Variants in ME1 observed in about 807,000 individuals in gnomAD.
ME1 encodes the protein malic enzyme 1.
Under a neutral mutation model 66.4 loss-of-function variants are expected in ME1, and 74 were observed. The observed-to-expected ratio is 1.11, with a 90% CI of 0.92 to 1.35. The LOEUF is 1.35. ME1 is among the 40% of genes most tolerant of loss of function. The probability of loss-of-function intolerance (pLI) is 0.00; values close to 1 mark genes in which losing one functional copy is unlikely to be tolerated. For missense variants in ME1, 750 were observed against 694.1 expected, an observed-to-expected ratio of 1.08 and a Z score of -0.90; for synonymous variants, 251 against 235.6, an observed-to-expected ratio of 1.07 and a Z score of -0.60.
intron 6 of ME1, among the ~76,000 whole-genome samples, chr6:83,293,289 CATA>C (rs767974182): frequency 1.6e-4 from 25 of 152,134 alleles, no homozygotes; most frequent in Non-Finnish European, 3.1e-4. Flanking sequence ...TGACCTCCAT[CATA>C]ATCATTTTTA....
At chr6:83,271,843 C>T (rs953499964) in intron 6 of ME1, among the ~76,000 whole-genome samples, 2 of 151,776 alleles carry the variant, frequency 1.3e-5, no homozygotes, top group African/African-American at 4.8e-5. Flanking sequence ...CTAAGGGCAA[C>T]ATATTATTTT....
At chr6:83,400,694 T>C (rs1201004173) in intron 2 of ME1, among the ~76,000 whole-genome samples, 4 of 152,172 alleles carry the variant, frequency 2.6e-5, no homozygotes, top group Non-Finnish European at 5.9e-5. Flanking sequence ...TTGCAGCCAG[T>C]CTTTCTGAAA....
At chr6:83,361,112 A>G (rs1768999875) in intron 3 of ME1, among the ~76,000 whole-genome samples, 1 of 152,216 alleles carries the variant, frequency 6.6e-6, no homozygotes, top group African/African-American at 2.4e-5. Context: ...TACATTGATG[A>G]CATTATGCTG....
chr6:83,315,048 T>C (rs749059830), intron 6 of ME1, among the ~76,000 whole-genome samples: 3 of 152,030 alleles, frequency 2.0e-5, no homozygotes, highest in Non-Finnish European at 4.4e-5. Context: ...ACCATAATCA[T>C]GCATTTCAAC....
chr6:83,392,818 G>A (rs919621671), intron 3 of ME1: 23 of 739,128 alleles, frequency 3.1e-5, no homozygotes, highest in Non-Finnish European at 5.6e-5. Context: ...CGTGATGGGT[G>A]TGAACCATGA....
At position 83,430,207 on chromosome 6, in the gene ME1, CAAAAG is replaced by C. The variant is rs562683485; in HGVS notation, c.78+665_78+669del. On this transcript the variant is annotated intron_variant, in intron 1 of 13. Coordinates refer to ENST00000369705, the MANE Select transcript of ME1 (RefSeq NM_002395.6). ...AAAAACAAAACAAAACAAAACAAAA[CAAAAG>C]AAAGAAAGAAAAGAAATGGCTTTAC... Among the ~76,000 whole-genome samples the C allele has an allele frequency of 6.0e-3, 916 of 151,942 alleles. 12 individuals carry two copies. The highest frequency in any genetic ancestry group is 0.021 in the African/African-American group (858 of 41,432).
At chr6:83,390,192 A>T (rs538201686) in intron 3 of ME1, among the ~76,000 whole-genome samples, 29 of 152,324 alleles carry the variant, frequency 1.9e-4, no homozygotes, top group African/African-American at 6.3e-4. Flanking sequence ...TACATACTTA[A>T]AAGTATGATC....
At chr6:83,230,135 TTTGTTG>T (rs371189967) in intron 9 of ME1, among the ~76,000 whole-genome samples, 10 of 151,694 alleles carry the variant, frequency 6.6e-5, no homozygotes, top group African/African-American at 9.7e-5. Flanking sequence ...TCTGTTTTTT[TTTGTTG>T]TTGTTGTTGT....
At chr6:83,374,421 G>T (rs375368218) in intron 3 of ME1, among the ~76,000 whole-genome samples, 1 of 152,074 alleles carries the variant, frequency 6.6e-6, no homozygotes, top group Non-Finnish European at 1.5e-5. Flanking sequence ...GTCTGTTCAC[G>T]TCCTTTGCCC....
intron 7 of ME1, among the ~76,000 whole-genome samples, chr6:83,249,175 G>A (rs1790676437): frequency 6.6e-6 from 1 of 151,938 alleles, no homozygotes; most frequent in African/African-American, 2.4e-5. Context: ...GCCGTTAAAT[G>A]TATATAGCTG....
At chr6:83,325,230 T>C (rs546400617) in intron 5 of ME1, among the ~76,000 whole-genome samples, 46 of 152,250 alleles carry the variant, frequency 3.0e-4, no homozygotes, top group African/African-American at 9.9e-4. Flanking sequence ...TAATAAGAGC[T>C]ATTTATGCTA....
At chr6:83,369,027 A>G (rs1476400628) in intron 3 of ME1, among the ~76,000 whole-genome samples, 3 of 152,158 alleles carry the variant, frequency 2.0e-5, no homozygotes, top group African/African-American at 7.2e-5. Flanking sequence ...ATTATTATTA[A>G]TATACTTTAA....
intron 3 of ME1, among the ~76,000 whole-genome samples, chr6:83,394,006 G>T (rs1036559610): frequency 1.3e-5 from 2 of 151,774 alleles, no homozygotes; most frequent in African/African-American, 4.8e-5. Context: ...TTTTTGGTAC[G>T]ATGACATTAG....
At chr6:83,382,930 G>A (rs1319665566) in intron 3 of ME1, among the ~76,000 whole-genome samples, 4 of 151,746 alleles carry the variant, frequency 2.6e-5, no homozygotes, top group Admixed American at 2.6e-4. Flanking sequence ...ATTTAAATCA[G>A]TAGATTCTGA....
At chr6:83,213,817 A>C (rs1333969799) in intron 13 of ME1, among the ~76,000 whole-genome samples, 3 of 152,202 alleles carry the variant, frequency 2.0e-5, no homozygotes, top group Non-Finnish European at 4.4e-5. Context: ...TGTATTATGA[A>C]ATGTCTATGA....
chr6:83,272,544 C>T (rs1144189), intron 6 of ME1, among the ~76,000 whole-genome samples: 43,791 of 151,948 alleles, frequency 0.29, 7,225 homozygotes, highest in Middle Eastern at 0.47. Flanking sequence ...CAGGGAGACT[C>T]ACATATTATG....
Position 83,414,616 on chromosome 6 carries a change from T to TA in ME1, c.79-6716dup, listed in dbSNP as rs202203081. The stretch of plus-strand genomic sequence containing the variant: ...TGACATGTTTGCTTAAATTTTTTTT[T>TA]AAAAAAAGAAAGAACACCTCTACCT... On this transcript the variant is annotated intron_variant, in intron 1 of 13. Transcript: ENST00000369705. Among the ~76,000 whole-genome samples the TA allele has an allele frequency of 3.0e-3, 454 of 152,098 alleles. 4 individuals carry two copies. Among genetic ancestry groups the TA allele is most frequent in the African/African-American group, 0.011 (437 of 41,510 alleles).
At chr6:83,314,498 A>C (rs1767989040) in intron 6 of ME1, among the ~76,000 whole-genome samples, 1 of 152,230 alleles carries the variant, frequency 6.6e-6, no homozygotes, top group Non-Finnish European at 1.5e-5. Context: ...CATTGTCCAC[A>C]TGGGTAGCTG....
chr6:83,277,409 A>G (rs1235646406), intron 6 of ME1, among the ~76,000 whole-genome samples: 1 of 152,204 alleles, frequency 6.6e-6, no homozygotes, highest in African/African-American at 2.4e-5. Flanking sequence ...TTAGCAGAAA[A>G]CACAACTGAA....
Sources: gnomAD v4.1 joint callset for allele counts (sites outside exome capture counted in the v4.1 genomes callset) on GRCh38, gnomAD v4.1.1 for gene constraint, MANE v1.5 for transcripts, NCBI Gene and HGNC (gene_info 2026-07-23, HGNC 2026-07-21) for gene names.